Variants in TMC7 observed in about 807,000 individuals in gnomAD.
TMC7 encodes the protein transmembrane channel-like protein 7.
A neutral mutation model predicts 82.9 loss-of-function variants in TMC7; 54 were observed. That is an observed-to-expected ratio of 0.65 (90% CI 0.52 to 0.82). TMC7 has a LOEUF of 0.82. TMC7 is among the 40% of genes least tolerant of loss of function. The pLI, the probability that TMC7 is intolerant of heterozygous loss-of-function variation, is 0.00. For synonymous variants in TMC7, 350 were observed against 337.9 expected (o/e 1.04, Z -0.39); for missense variants, 820 against 901.2 (o/e 0.91, Z 1.15).
intron 3 of TMC7, 39 bp downstream of exon 3, chr16:19,016,637 A>G (rs539474008): frequency 6.3e-7 from 1 of 1,599,928 alleles, no homozygotes; most frequent in Admixed American, 1.7e-5. Flanking sequence ...CCTCCGCAGA[A>G]GTCTGTGTCT....
At chr16:19,051,375 T>C (rs1961531411) in intron 12 of TMC7, among the ~76,000 whole-genome samples, 1 of 151,572 alleles carries the variant, frequency 6.6e-6, no homozygotes, top group South Asian at 2.1e-4. Flanking sequence ...TAGCATTAGG[T>C]ATGTCTCCTA....
rs1959975726 is a variant in TMC7 at position 19,021,553 on chromosome 16, TTTGTGGCTGA to T, written c.461-72_461-63del. The stretch of plus-strand genomic sequence containing the variant: ...GCTACTGATTCCTCCAGCTTCAGCT[TTTGTGGCTGA>T]TTGAATCTATGATGTGTAGTGTATC... On this transcript the variant is annotated intron_variant, in intron 3 of 15. Transcript: ENST00000304381. 5.4e-6 allele frequency: 8 copies of T among 1,488,694 alleles called. No individual in the cohort carries two copies. The South Asian group carries it at 1.0e-4, about 19-fold the overall frequency. The allele number at this position is 1,488,694 out of a possible 1,614,324, so 92.2% of individuals were successfully genotyped here.
rs182459231 is a variant in TMC7 at position 19,023,095 on chromosome 16, G to T, written c.629-18G>T. The T allele has an allele frequency of 3.1e-5, 47 of 1,535,578 alleles. No individual in the cohort carries two copies. The East Asian group carries it at 9.8e-4, about 32-fold the overall frequency. On this transcript the variant is annotated intron_variant, in intron 4 of 15. Transcript: ENST00000304381. ...CTAAAACTGTTTCCACTGACATTCT[G>T]GTTTTTGTTTCTTACAGATAAACAA... is the stretch of plus-strand genomic sequence containing the variant.
intron 12 of TMC7, among the ~76,000 whole-genome samples, chr16:19,050,797 G>A (rs540773445): frequency 9.2e-5 from 14 of 151,748 alleles, no homozygotes; most frequent in Non-Finnish European, 1.9e-4. Context: ...CACCACGCCC[G>A]GCCTCATCCT....
intron 1 of TMC7, chr16:18,984,331 A>G (rs1567493186): frequency 7.7e-7 from 1 of 1,299,350 alleles, no homozygotes; most frequent in Non-Finnish European, 9.7e-7. Context: ...CATCCAATCC[A>G]GTGGAACCCA....
At chr16:19,018,515 C>G (rs1365999447) in intron 3 of TMC7, among the ~76,000 whole-genome samples, 1 of 152,118 alleles carries the variant, frequency 6.6e-6, no homozygotes, top group East Asian at 1.9e-4. Context: ...CTCATTGAAA[C>G]CTAATCACCT....
chr16:19,052,702 C>G (rs1961593301), intron 13 of TMC7, among the ~76,000 whole-genome samples: 1 of 150,542 alleles, frequency 6.6e-6, no homozygotes, highest in African/African-American at 2.5e-5. Context: ...CTTTGAGTCC[C>G]TCTCTCAGAT....
chr16:19,016,277 A>G (rs952994063), intron 2 of TMC7, among the ~76,000 whole-genome samples, 173 bp from the exon 3 acceptor site: 1 of 151,682 alleles, frequency 6.6e-6, no homozygotes, highest in Non-Finnish European at 1.5e-5. Context: ...TTTAGTAGAG[A>G]TGGTGTTTCA....
intron 1 of TMC7, among the ~76,000 whole-genome samples, chr16:19,006,281 A>G (rs2039239517): frequency 1.3e-5 from 2 of 150,794 alleles, no homozygotes; most frequent in South Asian, 2.1e-4. Context: ...GCTCACTGCA[A>G]CCTCCGCCTC....
chr16:18,992,482 A>G (rs1026184897), intron 1 of TMC7, among the ~76,000 whole-genome samples: 32 of 152,098 alleles, frequency 2.1e-4, no homozygotes, highest in African/African-American at 7.5e-4. Context: ...AGTTCTTTGT[A>G]GATTCCGGAT....
At position 19,061,770 on chromosome 16, in the gene TMC7, T is replaced by C. The variant is rs1213786550; in HGVS notation, c.2107-8T>C. ...ATTAAATGTACATGTGAACTTATTA[T>C]TTTTTAGGAAAGTCGTGACAAGTGC... On this transcript the variant is annotated splice_region_variant and splice_polypyrimidine_tract_variant and intron_variant, in intron 15 of 15. Transcript: ENST00000304381. 6.2e-7 allele frequency: 1 copy of C among 1,611,794 alleles called. No individual in the cohort carries two copies. The highest frequency in any genetic ancestry group is 2.2e-5 in the East Asian group (1 of 44,868).
intron 1 of TMC7, among the ~76,000 whole-genome samples, chr16:19,001,389 G>A (rs1366544058): frequency 6.6e-6 from 1 of 151,956 alleles, no homozygotes; most frequent in Non-Finnish European, 1.5e-5. Context: ...AAATTAAAAA[G>A]GACAGAGTAG....
chr16:19,056,385 C>G (rs1026899094), intron 13 of TMC7, among the ~76,000 whole-genome samples, 157 bp from the exon 14 acceptor site: 1 of 152,142 alleles, frequency 6.6e-6, no homozygotes, highest in African/African-American at 2.4e-5. Flanking sequence ...CGCGCCCAGC[C>G]AGGGTAAGCA....
intron 7 of TMC7, among the ~76,000 whole-genome samples, chr16:19,037,386 C>CA (rs34990574): frequency 0.1 from 1,351 of 13,122 alleles, 61 homozygotes; most frequent in African/African-American, 0.18. Flanking sequence ...GACTCTGTCT[C>CA]AAAAAAAAAA....
rs902676025 is a variant in TMC7 at position 19,039,159 on chromosome 16, C to T, written c.1179+1112C>T. ...AGGCTGGAGTGCAGTGGCACGATCC[C>T]GGCTCACTGCAACCTCCACCTCCCG... On this transcript the variant is annotated intron_variant, in intron 8 of 15. Coordinates refer to ENST00000304381, the MANE Select transcript of TMC7 (RefSeq NM_024847.4). Among the ~76,000 whole-genome samples the T allele has an allele frequency of 5.3e-5, 8 of 151,068 alleles. No homozygotes were observed. The South Asian group carries it at 8.4e-4, about 16-fold the overall frequency.
chr16:18,999,413 G>T (rs1325095820), intron 1 of TMC7, among the ~76,000 whole-genome samples: 1 of 152,242 alleles, frequency 6.6e-6, no homozygotes, highest in Non-Finnish European at 1.5e-5. Flanking sequence ...AAGCCACCAT[G>T]CCCGCACCCC....
chr16:18,984,237 C>T, intron 1 of TMC7, 107 bp downstream of exon 1: 1 of 1,355,124 alleles, frequency 7.4e-7, no homozygotes, highest in Non-Finnish European at 9.4e-7. Context: ...CCTCCCACCC[C>T]CGACGCCGGG....
intron 6 of TMC7, among the ~76,000 whole-genome samples, chr16:19,032,323 G>C (rs1422027602): frequency 2.0e-5 from 3 of 152,138 alleles, no homozygotes; most frequent in African/African-American, 7.2e-5. Context: ...TGAGATGAAC[G>C]TGAACTAGTG....
chr16:19,033,219 A>G (rs921100698), intron 6 of TMC7, among the ~76,000 whole-genome samples: 1 of 152,190 alleles, frequency 6.6e-6, no homozygotes. Context: ...TAAACTAGGC[A>G]GGTGAATGAA....
Sources: gnomAD v4.1 joint callset for allele counts (sites outside exome capture counted in the v4.1 genomes callset) on GRCh38, gnomAD v4.1.1 for gene constraint, MANE v1.5 for transcripts, NCBI Gene and HGNC (gene_info 2026-07-23, HGNC 2026-07-21) for gene names.